TMEM35B: variants seen among roughly 807,000 people sequenced by gnomAD.
TMEM35B encodes ZMYM6 neighbor protein.
Under a neutral mutation model 8.7 loss-of-function variants are expected in TMEM35B, and 6 were observed. That is an observed-to-expected ratio of 0.69 (90% CI 0.38 to 1.36). The LOEUF (loss-of-function observed/expected upper bound fraction) is 1.36, where lower values mean the gene tolerates loss of function less well. Ranked by LOEUF, TMEM35B falls within the 40% of genes most tolerant of loss-of-function variation. The probability of loss-of-function intolerance (pLI) is 0.02; values close to 1 mark genes in which losing one functional copy is unlikely to be tolerated. For synonymous variants in TMEM35B, 89 were observed against 87.0 expected (o/e 1.02, Z -0.13); for missense variants, 176 against 181.6 (o/e 0.97, Z 0.18).
intron 1 of TMEM35B, among the ~76,000 whole-genome samples, 195 bp from the exon 2 acceptor site, chr1:34,984,142 C>T (rs1264235842): frequency 6.6e-6 from 1 of 152,220 alleles, no homozygotes; most frequent in Non-Finnish European, 1.5e-5. Flanking sequence ...AATCAGGAAA[C>T]AGGCTCCATG....
intron 1 of TMEM35B, among the ~76,000 whole-genome samples, chr1:34,984,315 G>A (rs977283751): frequency 6.6e-6 from 1 of 152,246 alleles, no homozygotes; most frequent in Non-Finnish European, 1.5e-5. Flanking sequence ...TCTTAAGGCT[G>A]CTGTACAGGG....
At chr1:34,984,962 A>G (rs1640550127) in intron 1 of TMEM35B, among the ~76,000 whole-genome samples, 1 of 152,036 alleles carries the variant, frequency 6.6e-6, no homozygotes, top group South Asian at 2.1e-4. Flanking sequence ...GCCTGGGGCC[A>G]CCAATATTCT....
chr1:34,985,323 C>T (rs1157004959), exon 1 of TMEM35B: 5 of 1,515,508 alleles, frequency 3.3e-6, no homozygotes, highest in African/African-American at 2.8e-5. Flanking sequence ...CTCCCCCCAC[C>T]GTGGGTTGGC....
chr1:34,983,334 T>C (rs1290856505), intron 2 of TMEM35B, among the ~76,000 whole-genome samples: 1 of 152,094 alleles, frequency 6.6e-6, no homozygotes, highest in Admixed American at 6.6e-5. Flanking sequence ...ATCCTAGCAC[T>C]TTGGGAGGCC....
rs1392304766 is a variant in TMEM35B, at chr1:34,985,252, G to A, written c.54C>T (p.Leu18=). The A allele has an allele frequency of 5.2e-6, 8 of 1,545,152 alleles. No homozygotes were observed. In the Admixed American group the frequency reaches 7.9e-5, roughly 15 times the overall value. Reference sequence around the variant, plus strand: ...CCTCCGAGAGCTTGGCCAACCCCACGAGCGCGAAGAAGCCGCCCAGCAGTA... The same window carrying A: ...CCTCCGAGAGCTTGGCCAACCCCACAAGCGCGAAGAAGCCGCCCAGCAGTA... Residue 18 remains leucine, a synonymous_variant, in exon 1 of 3, where the codon CTC becomes CTT. Coordinates refer to ENST00000373337, the Ensembl canonical transcript of TMEM35B.
At chr1:34,984,075 T>C (rs958729414) in intron 1 of TMEM35B, 128 bp from the exon 2 acceptor site, 68 of 945,628 alleles carry the variant, frequency 7.2e-5, no homozygotes, top group African/African-American at 4.4e-4. Context: ...CTAGGTCAGG[T>C]CCAGGGCTGA....
chr1:34,981,853 C>T, exon 3 of TMEM35B: 2 of 1,310,046 alleles, frequency 1.5e-6, no homozygotes, highest in Admixed American at 3.3e-5. Flanking sequence ...CTGGCTGACC[C>T]TGGATATTAT....
At chr1:34,984,062 A>C in intron 1 of TMEM35B, 115 bp from the exon 2 acceptor site, 1 of 1,049,498 alleles carries the variant, frequency 9.5e-7, no homozygotes, top group Non-Finnish European at 1.3e-6. Flanking sequence ...AAGAACTACT[A>C]CTCTAGGTCA....
At chr1:34,985,202 C>T (rs1450114379) in exon 1 of TMEM35B, 1 of 1,535,638 alleles carries the variant, frequency 6.5e-7, no homozygotes, top group Non-Finnish European at 8.8e-7. Flanking sequence ...GCTCACCATC[C>T]GCTCCGAAAC....
intron 1 of TMEM35B, 51 bp from the exon 2 acceptor site, chr1:34,983,998 C>T (rs746726093): frequency 2.1e-6 from 3 of 1,404,768 alleles, no homozygotes; most frequent in Non-Finnish European, 2.8e-6. Context: ...CAAGGATGAG[C>T]TCCCCAGATG....
At chr1:34,982,426 A>G (rs953852620) in intron 2 of TMEM35B, among the ~76,000 whole-genome samples, 9 of 102,444 alleles carry the variant, frequency 8.8e-5, no homozygotes, top group Admixed American at 7.7e-4. Flanking sequence ...TAGATTTTAG[A>G]AAAAAAAATC....
chr1:34,984,437 T>C (rs931321543), intron 1 of TMEM35B, among the ~76,000 whole-genome samples: 1 of 152,184 alleles, frequency 6.6e-6, no homozygotes, highest in African/African-American at 2.4e-5. Flanking sequence ...GGATACTTTT[T>C]CCTGTTCCCA....
chr1:34,983,688 C>CTT (rs1442079186), intron 2 of TMEM35B, 79 bp downstream of exon 2: 1 of 1,243,696 alleles, frequency 8.0e-7, no homozygotes, highest in Non-Finnish European at 1.0e-6. Flanking sequence ...AGGGTGGCAA[C>CTT]AGTAAGGGGG....
In TMEM35B at chr1:34,983,440, G is replaced by A. The variant is rs966790158; in HGVS notation, c.289+327C>T. ...AAAAATACAAAAAAATCAGTCGGGC[G>A]CTGTGGCAGGCGCCTGTAGTCCCAG... On this transcript the variant is annotated intron_variant, in intron 2 of 2. Coordinates refer to ENST00000373337, the Ensembl canonical transcript of TMEM35B. 1.1e-4 allele frequency among the ~76,000 whole-genome samples: 17 copies of A among 151,824 alleles called. 1 individual carries two copies. Among genetic ancestry groups the A allele is most frequent in the Non-Finnish European group, 8.8e-5 (6 of 67,972 alleles).
chr1:34,984,368 T>G (rs1348350037), intron 1 of TMEM35B, among the ~76,000 whole-genome samples: 1 of 152,196 alleles, frequency 6.6e-6, no homozygotes, highest in Non-Finnish European at 1.5e-5. Context: ...TCAAAGTGAC[T>G]CTTCTTGTCA....
chr1:34,985,190 C>A lies in TMEM35B; in HGVS notation c.108+8G>T, dbSNP rs1311775245. The A allele has an allele frequency of 6.5e-7, 1 of 1,531,608 alleles. No homozygotes were observed. The allele number at this position is 1,531,608 out of a possible 1,614,324, so 94.9% of individuals were successfully genotyped here. On this transcript the variant is annotated splice_region_variant and intron_variant, in intron 1 of 2. Coordinates refer to ENST00000373337, the Ensembl canonical transcript of TMEM35B. ...CCCGATCCCCTGCCGCCCGCCCGCG[C>A]CGCTCACCATCCGCTCCGAAACTGG...
At chr1:34,981,886 C>CT (rs1640510091) in exon 3 of TMEM35B, 1 of 1,429,242 alleles carries the variant, frequency 7.0e-7, no homozygotes, top group Admixed American at 2.7e-5. Context: ...ATGATAGACT[C>CT]TGTGTTCTAC....
intron 2 of TMEM35B, among the ~76,000 whole-genome samples, chr1:34,983,543 C>T (rs544770698): frequency 4.1e-4 from 52 of 126,554 alleles, no homozygotes; most frequent in African/African-American, 1.5e-3. Flanking sequence ...AGTGCCACTG[C>T]AGTCCAGCCT....
chr1:34,983,043 C>A (rs1640523366), intron 2 of TMEM35B, among the ~76,000 whole-genome samples: 2 of 152,198 alleles, frequency 1.3e-5, no homozygotes, highest in South Asian at 4.1e-4. Context: ...TAGGGAAATT[C>A]TCTGCCTTCC....
Sources: allele counts gnomAD v4.1 joint callset (sites outside exome capture counted in the v4.1 genomes callset), GRCh38; gene constraint gnomAD v4.1.1; transcripts MANE v1.5; gene names NCBI Gene and HGNC (gene_info 2026-07-23, HGNC 2026-07-21).